The following XKR6 variants were observed in gnomAD, a reference collection of about 807,000 sequenced individuals.
XKR6 encodes XK-related protein 6.
A neutral mutation model predicts 56.7 loss-of-function variants in XKR6; 22 were observed. That is an observed-to-expected ratio of 0.39 (90% CI 0.28 to 0.55). The LOEUF (loss-of-function observed/expected upper bound fraction) is 0.55, where lower values mean the gene tolerates loss of function less well. Ranked by LOEUF, XKR6 falls within the 20% of genes least tolerant of loss-of-function variation. The probability of loss-of-function intolerance (pLI) is 0.66; values close to 1 mark genes in which losing one functional copy is unlikely to be tolerated. For missense variants in XKR6, 852 were observed against 889.0 expected (o/e 0.96, Z 0.53); for synonymous variants, 524 against 387.8 (o/e 1.35, Z -4.13).
Position 11,201,663 on chromosome 8 carries a change from C to T in XKR6, c.-324G>A, listed in dbSNP as rs989161837. Among the ~76,000 whole-genome samples, 5 of 152,228 alleles carry T rather than the reference C, an allele frequency of 3.3e-5. No individual in the cohort carries two copies. The highest frequency in any genetic ancestry group is 2.1e-4 in the South Asian group (1 of 4,834). ...TCCCCGCCAGGGCTCCCCTTCCCCTCTTCCGTTGACCCCGAAACCCATCAG... is the reference window on the plus strand; with the variant it reads ...TCCCCGCCAGGGCTCCCCTTCCCCTTTTCCGTTGACCCCGAAACCCATCAG... On this transcript the variant is annotated 5_prime_UTR_variant, in exon 1 of 3. Transcript: ENST00000416569.
At chr8:11,116,557 G>C (rs1197036749) in intron 1 of XKR6, among the ~76,000 whole-genome samples, 1 of 152,110 alleles carries the variant, frequency 6.6e-6, no homozygotes, top group Non-Finnish European at 1.5e-5. Context: ...TTTTAGTAGA[G>C]ACGGGGTTTC....
chr8:10,964,401 G>A (rs536320607), intron 1 of XKR6, among the ~76,000 whole-genome samples: 5 of 152,276 alleles, frequency 3.3e-5, no homozygotes, highest in African/African-American at 1.2e-4. Context: ...TAGACCTGGA[G>A]GCTCCGAACC....
intron 1 of XKR6, among the ~76,000 whole-genome samples, chr8:10,969,067 C>G (rs969868338): frequency 3.3e-5 from 5 of 152,190 alleles, no homozygotes; most frequent in Non-Finnish European, 7.3e-5. Context: ...AACTTGAGTG[C>G]GCCAGAATCA....
intron 1 of XKR6, among the ~76,000 whole-genome samples, chr8:11,127,723 A>G (rs552425662): frequency 6.6e-6 from 1 of 152,122 alleles, no homozygotes; most frequent in East Asian, 1.9e-4. Flanking sequence ...TTCATCCCCA[A>G]ATCCTTAATC....
At chr8:11,193,943 G>A in intron 1 of XKR6, among the ~76,000 whole-genome samples, 1 of 152,094 alleles carries the variant, frequency 6.6e-6, no homozygotes, top group African/African-American at 2.4e-5. Flanking sequence ...GATAAAGTCA[G>A]CACAAGTTTC....
intron 1 of XKR6, among the ~76,000 whole-genome samples, chr8:10,956,079 C>T (rs1463391164): frequency 5.3e-5 from 8 of 152,196 alleles, no homozygotes; most frequent in East Asian, 1.9e-4. Context: ...CTGCCCAGTG[C>T]TCCTGGCTCC....
chr8:10,953,116 C>T (rs1801776807), intron 1 of XKR6, among the ~76,000 whole-genome samples: 1 of 152,174 alleles, frequency 6.6e-6, no homozygotes, highest in Admixed American at 6.5e-5. Context: ...ATGACTATTT[C>T]ATTATACATT....
intron 1 of XKR6, among the ~76,000 whole-genome samples, chr8:11,127,166 C>A (rs552522010): frequency 6.6e-6 from 1 of 152,290 alleles, no homozygotes; most frequent in African/African-American, 2.4e-5. Flanking sequence ...CACTTCTTAA[C>A]GAGATGTACT....
At chr8:10,925,026 G>A (rs1193736398) in intron 1 of XKR6, among the ~76,000 whole-genome samples, 196 bp from the exon 2 acceptor site, 1 of 152,106 alleles carries the variant, frequency 6.6e-6, no homozygotes, top group Non-Finnish European at 1.5e-5. Context: ...GGAGGGGCGG[G>A]GCAGGTCAGG....
chr8:11,066,479 G>C (rs1468885870), intron 1 of XKR6, among the ~76,000 whole-genome samples: 2 of 152,204 alleles, frequency 1.3e-5, no homozygotes, highest in African/African-American at 4.8e-5. Flanking sequence ...GGCAGGCTCT[G>C]CACCTTTGTG....
At chr8:10,978,986 C>G (rs899710279) in intron 1 of XKR6, among the ~76,000 whole-genome samples, 2 of 152,150 alleles carry the variant, frequency 1.3e-5, no homozygotes, top group African/African-American at 2.4e-5. Context: ...GCTGCCATGC[C>G]CAGACCCATC....
At chr8:10,955,268 G>A (rs1338284855) in intron 1 of XKR6, among the ~76,000 whole-genome samples, 1 of 152,084 alleles carries the variant, frequency 6.6e-6, no homozygotes, top group East Asian at 1.9e-4. Context: ...GACCTCCCAG[G>A]CTCAAGAAAT....
At chr8:11,013,994 A>C (rs1798556953) in intron 1 of XKR6, among the ~76,000 whole-genome samples, 1 of 152,154 alleles carries the variant, frequency 6.6e-6, no homozygotes. Context: ...CTTTGTCCAA[A>C]CGTGCCTTTA....
intron 1 of XKR6, among the ~76,000 whole-genome samples, chr8:11,001,233 G>A (rs1450697349): frequency 6.6e-6 from 1 of 152,152 alleles, no homozygotes; most frequent in East Asian, 1.9e-4. Flanking sequence ...GAGAAACAGA[G>A]GCTCAGAAAG....
At chr8:10,919,043 A>G (rs766807986) in intron 2 of XKR6, among the ~76,000 whole-genome samples, 1 of 151,866 alleles carries the variant, frequency 6.6e-6, no homozygotes, top group African/African-American at 2.4e-5. Context: ...AGCCCCTCCC[A>G]CTGCCCTTGG....
chr8:10,939,585 G>A (rs1285944397), intron 1 of XKR6, among the ~76,000 whole-genome samples: 1 of 152,248 alleles, frequency 6.6e-6, no homozygotes, highest in East Asian at 1.9e-4. Context: ...GGCTTATTCA[G>A]AAACCTGATT....
intron 1 of XKR6, among the ~76,000 whole-genome samples, chr8:11,170,413 C>A (rs1802308722): frequency 6.6e-6 from 1 of 152,158 alleles, no homozygotes; most frequent in African/African-American, 2.4e-5. Flanking sequence ...CATGGATGAA[C>A]CTTGTAACAT....
chr8:11,112,324 G>A (rs1312351501), intron 1 of XKR6, among the ~76,000 whole-genome samples: 4 of 152,014 alleles, frequency 2.6e-5, no homozygotes, highest in African/African-American at 9.7e-5. Flanking sequence ...TACAGTCTTT[G>A]TGCTTCTATT....
intron 2 of XKR6, among the ~76,000 whole-genome samples, chr8:10,914,314 G>T (rs1417675123): frequency 1.3e-5 from 2 of 152,078 alleles, no homozygotes; most frequent in Admixed American, 1.3e-4. Context: ...GTATATACTG[G>T]GGATGAGTAG....
Sources: allele counts gnomAD v4.1 joint callset (sites outside exome capture counted in the v4.1 genomes callset), GRCh38; gene constraint gnomAD v4.1.1; transcripts MANE v1.5; gene names NCBI Gene and HGNC (gene_info 2026-07-23, HGNC 2026-07-21).